The following CACNA2D3 variants were observed in gnomAD, a reference collection of about 807,000 sequenced individuals.
The protein encoded by CACNA2D3 is voltage-dependent calcium channel subunit alpha-2/delta-3.
Under a neutral mutation model 160.6 loss-of-function variants are expected in CACNA2D3, and 60 were observed. The ratio of observed to expected loss-of-function variants is 0.37; its 90% CI spans 0.30 to 0.46. The LOEUF (loss-of-function observed/expected upper bound fraction) is 0.46. Among genes scored for constraint, CACNA2D3 ranks in the 20% least tolerant of loss-of-function variants. The pLI is 1.00. For missense variants in CACNA2D3, 1,205 were observed against 1,365.0 expected (o/e 0.88, Z 1.85); for synonymous variants, 558 against 492.9 (o/e 1.13, Z -1.75).
intron 2 of CACNA2D3, among the ~76,000 whole-genome samples, chr3:54,245,763 T>C (rs1702060486): frequency 6.6e-6 from 1 of 152,202 alleles, no homozygotes; most frequent in Admixed American, 6.5e-5. Context: ...GAAAATAGGC[T>C]CATCTAAGTA....
At chr3:54,965,602 A>G (rs1017558313) in intron 27 of CACNA2D3, among the ~76,000 whole-genome samples, 3 of 151,402 alleles carry the variant, frequency 2.0e-5, no homozygotes, top group Non-Finnish European at 4.4e-5. Flanking sequence ...CTTAGTACTC[A>G]CTGAACAAAT....
chr3:54,558,801 GTAT>G (rs916655642), intron 5 of CACNA2D3, among the ~76,000 whole-genome samples: 84 of 152,194 alleles, frequency 5.5e-4, no homozygotes, highest in African/African-American at 2.0e-3. Flanking sequence ...TATAGGTTGG[GTAT>G]TATTATCCCC....
intron 4 of CACNA2D3, among the ~76,000 whole-genome samples, chr3:54,458,276 G>C (rs1301924432): frequency 1.3e-5 from 2 of 151,916 alleles, no homozygotes; most frequent in Admixed American, 6.6e-5. Flanking sequence ...GTAGTTTCAT[G>C]TGTTTTCATT....
intron 2 of CACNA2D3, among the ~76,000 whole-genome samples, chr3:54,228,410 A>G (rs1280774919): frequency 6.6e-6 from 1 of 152,234 alleles, no homozygotes; most frequent in African/African-American, 2.4e-5. Context: ...TGAGAATTAC[A>G]CAGAATGCAT....
At chr3:54,417,117 C>T (rs533025955) in intron 4 of CACNA2D3, among the ~76,000 whole-genome samples, 1 of 152,168 alleles carries the variant, frequency 6.6e-6, no homozygotes, top group African/African-American at 2.4e-5. Context: ...TGAGGTTCTG[C>T]CTGAATATTT....
In CACNA2D3 at chr3:54,729,028, G is replaced by T. The variant is rs188877847; in HGVS notation, c.1168-23571G>T. On this transcript the variant is annotated intron_variant, in intron 11 of 37. Transcript: ENST00000474759. The stretch of plus-strand genomic sequence containing the variant: ...TTCCCTAGAGTTCCCTTTTCTTCTG[G>T]ATTTTTTTCTGTAGCCTGAACCCAT... Among the ~76,000 whole-genome samples the T allele has an allele frequency of 5.3e-5, 8 of 152,182 alleles. No homozygotes were observed. In the East Asian group the frequency reaches 1.5e-3, roughly 29 times the overall value.
chr3:54,925,184 G>T, intron 27 of CACNA2D3: 1 of 1,613,362 alleles, frequency 6.2e-7, no homozygotes, highest in Non-Finnish European at 8.5e-7. Context: ...CCTGGAGCAG[G>T]ACAATCACAC....
At chr3:54,387,658 A>ATAAG (rs3028847) in intron 4 of CACNA2D3, among the ~76,000 whole-genome samples, 30,470 of 151,126 alleles carry the variant, frequency 0.2, 3,179 homozygotes, top group African/African-American at 0.26. Context: ...TCTCAAATAA[A>ATAAG]TAAGTAAGTA....
At chr3:54,569,736 A>C in intron 6 of CACNA2D3, 59 bp from the exon 7 acceptor site, 2 of 1,348,376 alleles carry the variant, frequency 1.5e-6, no homozygotes, top group Non-Finnish European at 2.1e-6. Flanking sequence ...GCAGCCTTGA[A>C]ATGCTATGAA....
intron 6 of CACNA2D3, 137 bp downstream of exon 6, chr3:54,563,068 C>T (rs1006035260): frequency 1.3e-6 from 1 of 784,760 alleles, no homozygotes; most frequent in Non-Finnish European, 1.9e-6. Flanking sequence ...AACCTATTGT[C>T]AGGGTGCAGG....
intron 13 of CACNA2D3, among the ~76,000 whole-genome samples, chr3:54,784,279 A>T (rs772465952): frequency 5.3e-5 from 8 of 152,214 alleles, no homozygotes; most frequent in Admixed American, 6.5e-5. Flanking sequence ...TGCAGAGTGC[A>T]GCAGTGATCT....
intron 9 of CACNA2D3, among the ~76,000 whole-genome samples, chr3:54,601,885 A>G (rs1405698540): frequency 6.6e-6 from 1 of 152,048 alleles, no homozygotes; most frequent in Non-Finnish European, 1.5e-5. Flanking sequence ...GGCTAATTTT[A>G]ATAGCTAGCA....
chr3:54,970,952 GA>G (rs1702265196), intron 29 of CACNA2D3, among the ~76,000 whole-genome samples: 1 of 151,934 alleles, frequency 6.6e-6, no homozygotes, highest in African/African-American at 2.4e-5. Flanking sequence ...TTTCAACCCA[GA>G]AAACATAGAT....
At chr3:54,832,269 CAG>C (rs769833274) in intron 14 of CACNA2D3, among the ~76,000 whole-genome samples, 2 of 152,176 alleles carry the variant, frequency 1.3e-5, no homozygotes, top group Non-Finnish European at 2.9e-5. Flanking sequence ...GCAGCTCGCG[CAG>C]AGTGTGTGTG....
intron 2 of CACNA2D3, among the ~76,000 whole-genome samples, chr3:54,178,768 G>A (rs912630568): frequency 6.6e-6 from 1 of 152,094 alleles, no homozygotes; most frequent in Non-Finnish European, 1.5e-5. Flanking sequence ...AAATAAATAA[G>A]GATGAAATGG....
At chr3:54,466,605 A>G (rs1036267654) in intron 4 of CACNA2D3, among the ~76,000 whole-genome samples, 1 of 152,222 alleles carries the variant, frequency 6.6e-6, no homozygotes, top group African/African-American at 2.4e-5. Flanking sequence ...CCTGGGCAAC[A>G]AAGTTACTTA....
At chr3:54,525,205 A>G (rs1351884473) in intron 5 of CACNA2D3, among the ~76,000 whole-genome samples, 1 of 152,118 alleles carries the variant, frequency 6.6e-6, no homozygotes, top group Non-Finnish European at 1.5e-5. Flanking sequence ...GATTTCAGTT[A>G]CCGTCTGGAT....
intron 29 of CACNA2D3, among the ~76,000 whole-genome samples, chr3:54,973,176 A>G (rs1702314075): frequency 6.6e-6 from 1 of 152,126 alleles, no homozygotes; most frequent in Admixed American, 6.5e-5. Flanking sequence ...ACCACTGTAG[A>G]GGCACCAAAG....
intron 27 of CACNA2D3, among the ~76,000 whole-genome samples, chr3:54,917,606 A>G (rs559379076): frequency 1.3e-5 from 2 of 152,354 alleles, no homozygotes; most frequent in Non-Finnish European, 2.9e-5. Flanking sequence ...CAGATACACA[A>G]AAGTCATTAT....
Sources: gnomAD v4.1 joint callset for allele counts (sites outside exome capture counted in the v4.1 genomes callset) on GRCh38, gnomAD v4.1.1 for gene constraint, MANE v1.5 for transcripts, NCBI Gene and HGNC (gene_info 2026-07-23, HGNC 2026-07-21) for gene names.